The following EXOC6B variants were observed in gnomAD, a reference collection of about 807,000 sequenced individuals.
EXOC6B encodes exocyst complex component 6B.
A neutral mutation model predicts 113.5 loss-of-function variants in EXOC6B; 54 were observed. That is an observed-to-expected ratio of 0.48 (90% CI 0.38 to 0.60). EXOC6B has a LOEUF of 0.60. Among genes scored for constraint, EXOC6B ranks in the 20% least tolerant of loss-of-function variants. The pLI is 0.00. For synonymous variants in EXOC6B, 357 were observed against 339.0 expected (o/e 1.05, Z -0.58); for missense variants, 797 against 977.5 (o/e 0.82, Z 2.46).
intron 8 of EXOC6B, among the ~76,000 whole-genome samples, chr2:72,518,654 A>T (rs1001751941): frequency 6.6e-6 from 1 of 152,110 alleles, no homozygotes. Flanking sequence ...AAAGAGGCTG[A>T]ATGGAAAAAA....
intron 7 of EXOC6B, among the ~76,000 whole-genome samples, chr2:72,563,320 T>C (rs1703992744): frequency 6.6e-6 from 1 of 152,138 alleles, no homozygotes; most frequent in Admixed American, 6.5e-5. Flanking sequence ...GGCATCCACG[T>C]TTGGTATCCA....
At chr2:72,430,116 A>T (rs1187082537) in intron 18 of EXOC6B, among the ~76,000 whole-genome samples, 2 of 152,204 alleles carry the variant, frequency 1.3e-5, no homozygotes, top group Non-Finnish European at 2.9e-5. Flanking sequence ...CATACAACTA[A>T]AGACACAAGA....
intron 20 of EXOC6B, among the ~76,000 whole-genome samples, chr2:72,200,227 A>T (rs1365840681): frequency 1.3e-5 from 2 of 152,204 alleles, no homozygotes; most frequent in Non-Finnish European, 2.9e-5. Flanking sequence ...GAAATAGAAG[A>T]GAGAAGACCA....
At chr2:72,575,180 TC>T (rs1364326424) in intron 7 of EXOC6B, among the ~76,000 whole-genome samples, 1 of 152,154 alleles carries the variant, frequency 6.6e-6, no homozygotes, top group Admixed American at 6.5e-5. Context: ...CACCTAGACC[TC>T]CTGTCTCTAG....
chr2:72,691,489 T>C (rs1209905705), intron 6 of EXOC6B, among the ~76,000 whole-genome samples: 1 of 152,110 alleles, frequency 6.6e-6, no homozygotes, highest in East Asian at 1.9e-4. Context: ...GTTTAGCTTA[T>C]AGAAAATACC....
chr2:72,472,487 A>C (rs1355184550), intron 17 of EXOC6B, among the ~76,000 whole-genome samples: 1 of 152,078 alleles, frequency 6.6e-6, no homozygotes, highest in Non-Finnish European at 1.5e-5. Flanking sequence ...TCCACTGGTT[A>C]CCATATATTT....
chr2:72,767,833 A>AAAAAAAAAAAAAAAAAAAC (rs1683174379), intron 1 of EXOC6B, among the ~76,000 whole-genome samples: 1 of 140,184 alleles, frequency 7.1e-6, no homozygotes, highest in African/African-American at 2.7e-5. Context: ...AAAAAAAAAA[A>AAAAAAAAAAAAAAAAAAAC]GACCAAGTCC....
At chr2:72,648,821 G>T (rs1354415915) in intron 6 of EXOC6B, among the ~76,000 whole-genome samples, 2 of 151,772 alleles carry the variant, frequency 1.3e-5, no homozygotes. Context: ...ATGTTGCAAT[G>T]TTCTCATTGA....
At chr2:72,499,166 T>C (rs1006105149) in intron 12 of EXOC6B, among the ~76,000 whole-genome samples, 3 of 151,654 alleles carry the variant, frequency 2.0e-5, no homozygotes, top group Non-Finnish European at 2.9e-5. Context: ...TAAAAAGACC[T>C]AGTTCCTAGG....
intron 19 of EXOC6B, among the ~76,000 whole-genome samples, chr2:72,363,082 G>C (rs1690416349): frequency 6.6e-6 from 1 of 152,054 alleles, no homozygotes; most frequent in Non-Finnish European, 1.5e-5. Flanking sequence ...CAGTTTCTCT[G>C]CCAGGATCCA....
At chr2:72,744,076 A>G (rs745580949) in intron 1 of EXOC6B, among the ~76,000 whole-genome samples, 1 of 152,218 alleles carries the variant, frequency 6.6e-6, no homozygotes, top group Non-Finnish European at 1.5e-5. Context: ...AACTGCCTAC[A>G]GTATTAAGTA....
chr2:72,480,802 G>A (rs1316072682), intron 16 of EXOC6B, 52 bp from the exon 17 acceptor site: 1 of 1,537,610 alleles, frequency 6.5e-7, no homozygotes, highest in Non-Finnish European at 8.8e-7. Context: ...ACCCCAGGAT[G>A]AATGGCTCAA....
intron 16 of EXOC6B, among the ~76,000 whole-genome samples, chr2:72,487,675 A>T (rs1699512098): frequency 6.6e-6 from 1 of 152,140 alleles, no homozygotes; most frequent in African/African-American, 2.4e-5. Flanking sequence ...TGACAGTTTT[A>T]AGGAGTACTG....
chr2:72,801,519 A>T (rs940085651), intron 1 of EXOC6B, among the ~76,000 whole-genome samples: 2 of 152,160 alleles, frequency 1.3e-5, no homozygotes, highest in African/African-American at 2.4e-5. Flanking sequence ...CACTATGTTG[A>T]CTGTCTCTAT....
At chr2:72,420,079 T>C (rs1359517210) in intron 18 of EXOC6B, among the ~76,000 whole-genome samples, 1 of 152,202 alleles carries the variant, frequency 6.6e-6, no homozygotes, top group Non-Finnish European at 1.5e-5. Flanking sequence ...AAATCTGTCT[T>C]TGGATATCTT....
intron 6 of EXOC6B, among the ~76,000 whole-genome samples, chr2:72,645,509 A>G (rs999145456): frequency 6.6e-6 from 1 of 152,196 alleles, no homozygotes; most frequent in Non-Finnish European, 1.5e-5. Context: ...ACCACATAGC[A>G]TTTATTCCAA....
At chr2:72,486,015 T>C (rs2105513041) in intron 16 of EXOC6B, among the ~76,000 whole-genome samples, 1 of 152,308 alleles carries the variant, frequency 6.6e-6, no homozygotes, top group South Asian at 2.1e-4. Context: ...ACCAATTCTT[T>C]AGAACTAGTA....
intron 20 of EXOC6B, among the ~76,000 whole-genome samples, chr2:72,193,852 C>A (rs1435686737): frequency 6.7e-6 from 1 of 149,436 alleles, no homozygotes; most frequent in African/African-American, 2.5e-5. Flanking sequence ...ACTGCTGCTA[C>A]CTGCTTTTTT....
chr2:72,289,592 T>A (rs190063479), intron 20 of EXOC6B, among the ~76,000 whole-genome samples: 15 of 152,314 alleles, frequency 9.8e-5, no homozygotes, highest in Admixed American at 8.5e-4. Flanking sequence ...GAAAATGTTC[T>A]CATTTTTACT....
Sources: gnomAD v4.1 joint callset for allele counts (sites outside exome capture counted in the v4.1 genomes callset) on GRCh38, gnomAD v4.1.1 for gene constraint, MANE v1.5 for transcripts, NCBI Gene and HGNC (gene_info 2026-07-23, HGNC 2026-07-21) for gene names.